GRM3: variants seen among roughly 807,000 people sequenced by gnomAD.
The protein encoded by GRM3 is glutamate metabotropic receptor 3.
In GRM3, 26 loss-of-function variants were observed where a neutral mutation model predicts 70.5. That is an observed-to-expected ratio of 0.37 (90% CI 0.27 to 0.51). GRM3 has a LOEUF of 0.51. Among genes scored for constraint, GRM3 ranks in the 20% least tolerant of loss-of-function variants. The pLI, the probability that GRM3 is intolerant of heterozygous loss-of-function variation, is 0.93. For synonymous variants in GRM3, 443 were observed against 434.9 expected, an observed-to-expected ratio of 1.02 and a Z score of -0.23; for missense variants, 859 against 1,123.8, an observed-to-expected ratio of 0.76 and a Z score of 3.37.
At chr7:86,835,959 C>A (rs997309954) in intron 3 of GRM3, among the ~76,000 whole-genome samples, 1 of 151,638 alleles carries the variant, frequency 6.6e-6, no homozygotes, top group African/African-American at 2.4e-5. Context: ...AGAAAACAAG[C>A]GAAAAATGTG....
rs373325040 is a variant in GRM3 at position 86,660,855 on chromosome 7, A to T, written c.-141+15983A>T. Among the ~76,000 whole-genome samples, 23 of 152,070 alleles carry T rather than the reference A, an allele frequency of 1.5e-4. 6 individuals are homozygous for T. Among genetic ancestry groups the T allele is most frequent in the East Asian group, 1.9e-4 (1 of 5,180 alleles). ...TGTTGACTTCTTGATCTTAATTCCA[A>T]TAGCTTCCTTTATTTAGCCATGCCA... is the stretch of plus-strand genomic sequence containing the variant. On this transcript the variant is annotated intron_variant, in intron 1 of 5. Transcript: ENST00000361669.
chr7:86,688,387 A>T (rs1056965437), intron 1 of GRM3, among the ~76,000 whole-genome samples: 21 of 151,840 alleles, frequency 1.4e-4, no homozygotes, highest in African/African-American at 4.8e-4. Context: ...GTAGAAGTGC[A>T]AAATATAAAG....
At chr7:86,734,767 A>G (rs574515323) in intron 1 of GRM3, among the ~76,000 whole-genome samples, 2 of 152,184 alleles carry the variant, frequency 1.3e-5, no homozygotes, top group Admixed American at 1.3e-4. Context: ...CTGGCCTATC[A>G]TTTTTATTTT....
intron 3 of GRM3, among the ~76,000 whole-genome samples, chr7:86,824,856 T>C (rs533117354): frequency 6.6e-6 from 1 of 152,188 alleles, no homozygotes; most frequent in East Asian, 1.9e-4. Flanking sequence ...ACCCATAAGG[T>C]ATTATGTTAG....
At chr7:86,802,086 C>T (rs761355377) in intron 3 of GRM3, among the ~76,000 whole-genome samples, 2 of 152,070 alleles carry the variant, frequency 1.3e-5, no homozygotes, top group Non-Finnish European at 2.9e-5. Flanking sequence ...CTGACATAAC[C>T]ATTTTGTATA....
chr7:86,781,876 T>C (rs1453856351), intron 2 of GRM3, among the ~76,000 whole-genome samples: 1 of 152,182 alleles, frequency 6.6e-6, no homozygotes, highest in Non-Finnish European at 1.5e-5. Flanking sequence ...TGAGTACGTT[T>C]AACTGTATTA....
At chr7:86,782,371 C>A (rs1797094089) in intron 2 of GRM3, among the ~76,000 whole-genome samples, 3 of 150,750 alleles carry the variant, frequency 2.0e-5, no homozygotes, top group African/African-American at 4.9e-5. Context: ...AGTGTGATAA[C>A]CTTTTTATAT....
At chr7:86,717,220 A>G (rs1584189845) in intron 1 of GRM3, among the ~76,000 whole-genome samples, 3 of 152,132 alleles carry the variant, frequency 2.0e-5, no homozygotes, top group African/African-American at 7.2e-5. Context: ...TAGAACAAAT[A>G]GCACTCATTT....
chr7:86,657,797 A>G (rs1410551078), intron 1 of GRM3, among the ~76,000 whole-genome samples: 2 of 151,768 alleles, frequency 1.3e-5, no homozygotes, highest in African/African-American at 4.9e-5. Context: ...CATGGAATGA[A>G]TCTAAAAGAC....
chr7:86,707,793 TAATC>T (rs1459776086), intron 1 of GRM3, among the ~76,000 whole-genome samples: 1 of 152,142 alleles, frequency 6.6e-6, no homozygotes, highest in African/African-American at 2.4e-5. Flanking sequence ...TCATCTCTCT[TAATC>T]AATGTTTGTT....
intron 1 of GRM3, among the ~76,000 whole-genome samples, chr7:86,705,503 A>G (rs1308651874): frequency 6.6e-6 from 1 of 152,060 alleles, no homozygotes; most frequent in African/African-American, 2.4e-5. Context: ...AACTAGCTGC[A>G]TGGTTTAAGT....
intron 1 of GRM3, among the ~76,000 whole-genome samples, chr7:86,731,655 G>A (rs1795737676): frequency 6.6e-6 from 1 of 152,056 alleles, no homozygotes. Flanking sequence ...CTATCTCCTA[G>A]GATTTTTGAA....
intron 3 of GRM3, among the ~76,000 whole-genome samples, chr7:86,808,095 C>A (rs566324941): frequency 1.3e-3 from 196 of 152,160 alleles, no homozygotes; most frequent in African/African-American, 4.6e-3. Context: ...GGGATGAAAC[C>A]AACCTTATCC....
chr7:86,663,353 T>C (rs1329632454), intron 1 of GRM3, among the ~76,000 whole-genome samples: 1 of 151,958 alleles, frequency 6.6e-6, no homozygotes, highest in African/African-American at 2.4e-5. Context: ...ATAAGAAAAT[T>C]GATGATATCA....
chr7:86,670,274 G>T (rs193190975), intron 1 of GRM3, among the ~76,000 whole-genome samples: 1 of 152,148 alleles, frequency 6.6e-6, no homozygotes, highest in Non-Finnish European at 1.5e-5. Flanking sequence ...AACTCAAATA[G>T]GGTAAAGAAC....
intron 1 of GRM3, among the ~76,000 whole-genome samples, chr7:86,719,440 C>A (rs1795401225): frequency 1.3e-5 from 2 of 151,996 alleles, no homozygotes; most frequent in Admixed American, 1.3e-4. Flanking sequence ...AAAGAGCTGA[C>A]AGTCCAGGAA....
Position 86,644,641 on chromosome 7 carries a change from G to A in GRM3, c.-372G>A. 2.0e-6 allele frequency: 1 copy of A among 491,064 alleles called. No individual in the cohort carries two copies. The highest frequency in any genetic ancestry group is 3.8e-6 in the Non-Finnish European group (1 of 261,610). The allele number at this position is 491,064 out of a possible 1,614,324, so 30.4% of individuals were successfully genotyped here. The stretch of plus-strand genomic sequence containing the variant: ...CCACCGGGCAGTGGTCCAGCGTGCA[G>A]CCGGGAGGGGGCAGGGGCAGGGGGC... On this transcript the variant is annotated 5_prime_UTR_variant, in exon 1 of 6. Coordinates refer to ENST00000361669, the MANE Select transcript of GRM3 (RefSeq NM_000840.3).
chr7:86,853,028 C>G (rs1798782045), intron 5 of GRM3, among the ~76,000 whole-genome samples: 1 of 151,978 alleles, frequency 6.6e-6, no homozygotes, highest in Admixed American at 6.6e-5. Context: ...TACTACACAC[C>G]AAAAATTTCT....
intron 3 of GRM3, among the ~76,000 whole-genome samples, chr7:86,794,463 A>G (rs890721055): frequency 6.6e-6 from 1 of 152,218 alleles, no homozygotes; most frequent in African/African-American, 2.4e-5. Context: ...TGAGTTTAGT[A>G]AGCCTTCACA....
Sources: gnomAD v4.1 joint callset for allele counts (sites outside exome capture counted in the v4.1 genomes callset) on GRCh38, gnomAD v4.1.1 for gene constraint, MANE v1.5 for transcripts, NCBI Gene and HGNC (gene_info 2026-07-23, HGNC 2026-07-21) for gene names.